The following RMST variants were observed in gnomAD, a reference collection of about 807,000 sequenced individuals.
The protein encoded by RMST is long intergenic non-protein coding RNA 54.
intron 10 of RMST, among the ~76,000 whole-genome samples, chr12:97,520,179 A>C (rs76564091): frequency 0.027 from 4,106 of 152,288 alleles, 163 homozygotes; most frequent in African/African-American, 0.093. Context: ...TAAAGCTAAC[A>C]ATTTAGTACA....
chr12:97,512,823 C>T lies in RMST; in HGVS notation n.1340+16767C>T, dbSNP rs183498476. On this transcript the variant is annotated intron_variant and non_coding_transcript_variant, in intron 10 of 13. Transcript: ENST00000640149. ...CTTGGGTGGTCGATGGGACTGGGCG[C>T]AGTGGAGCAGGGGGCGGCGTGTCGG... Among the ~76,000 whole-genome samples, 429 of 151,942 alleles carry T rather than the reference C, an allele frequency of 2.8e-3. 2 individuals are homozygous for T. Among genetic ancestry groups the T allele is most frequent in the African/African-American group, 9.8e-3 (406 of 41,470 alleles).
intron 10 of RMST, among the ~76,000 whole-genome samples, chr12:97,513,951 CA>C (rs201925869): frequency 0.011 from 1,731 of 152,260 alleles, 24 homozygotes; most frequent in Middle Eastern, 0.044. Flanking sequence ...TACTTTGTTC[CA>C]CTGTAGGACT....
chr12:97,532,023 T>C (rs1881667685), intron 11 of RMST, among the ~76,000 whole-genome samples: 1 of 152,006 alleles, frequency 6.6e-6, no homozygotes, highest in Non-Finnish European at 1.5e-5. Flanking sequence ...TATGGCATTA[T>C]GAATTTTAAA....
At chr12:97,536,757 A>G (rs894160593) in intron 11 of RMST, among the ~76,000 whole-genome samples, 1 of 151,488 alleles carries the variant, frequency 6.6e-6, no homozygotes, top group African/African-American at 2.4e-5. Context: ...TATTATACAC[A>G]AATAATCTCC....
At chr12:97,512,266 T>A (rs1343924283) in intron 10 of RMST, among the ~76,000 whole-genome samples, 1 of 152,148 alleles carries the variant, frequency 6.6e-6, no homozygotes, top group Non-Finnish European at 1.5e-5. Flanking sequence ...GCTGCAGACC[T>A]TTGTGGTGTT....
chr12:97,524,075 C>CAGAGAAAAAAAAAAAAAAA lies in RMST; in HGVS notation n.1341-6579_1341-6578insGAGAAAAAAAAAAAAAAAA, dbSNP rs57255256. Among the ~76,000 whole-genome samples the CAGAGAAAAAAAAAAAAAAA allele has an allele frequency of 7.4e-3, 416 of 56,126 alleles. 158 individuals carry two copies. Among genetic ancestry groups the CAGAGAAAAAAAAAAAAAAA allele is most frequent in the Middle Eastern group, 0.02 (2 of 100 alleles). The allele number at this position is 56,126 out of a possible 152,430, so 36.8% of individuals were successfully genotyped here. ...TGGGCAACAGAGTGAGACTCTGTCT[C>CAGAGAAAAAAAAAAAAAAA]AAAAAAAAAAAAAAAAAAAAAAAAA... On this transcript the variant is annotated intron_variant and non_coding_transcript_variant, in intron 10 of 13. Transcript: ENST00000640149.
At chr12:97,558,592 T>G (rs1883876747) in intron 11 of RMST, among the ~76,000 whole-genome samples, 1 of 151,584 alleles carries the variant, frequency 6.6e-6, no homozygotes, top group Non-Finnish European at 1.5e-5. Flanking sequence ...TACAGCTGAG[T>G]TTTTTTTTCT....
intron 5 of RMST, among the ~76,000 whole-genome samples, chr12:97,469,166 GTGTGTGTGTGTGTGTA>G (rs1234291411): frequency 6.8e-5 from 10 of 146,086 alleles, no homozygotes; most frequent in African/African-American, 2.4e-4. Flanking sequence ...GTGTGTGTGT[GTGTGTGTGTGTGTGTA>G]TGTGTGTATA....
At chr12:97,499,691 A>C (rs535898801) in intron 10 of RMST, among the ~76,000 whole-genome samples, 1 of 129,628 alleles carries the variant, frequency 7.7e-6, no homozygotes, top group Non-Finnish European at 1.5e-5. Context: ...AGTCTCACTC[A>C]CTCTGTTGCC....
chr12:97,506,675 GTTTT>G (rs780505590), intron 10 of RMST, among the ~76,000 whole-genome samples: 4 of 76,962 alleles, frequency 5.2e-5, no homozygotes, highest in African/African-American at 2.1e-4. Flanking sequence ...AGGGTAATCT[GTTTT>G]TTTTTTTTTT....
At chr12:97,501,842 G>C (rs1592500) in intron 10 of RMST, among the ~76,000 whole-genome samples, 12,716 of 152,156 alleles carry the variant, frequency 0.084, 767 homozygotes, top group Middle Eastern at 0.14. Flanking sequence ...AATAGATGAC[G>C]CAAAAGTTGC....
rs1403732156 is a variant in RMST, at chr12:97,559,713, C to T, written n.1546-824C>T. Among the ~76,000 whole-genome samples the T allele has an allele frequency of 3.9e-5, 6 of 152,268 alleles. No individual in the cohort carries two copies. In the South Asian group the frequency reaches 8.3e-4, roughly 21 times the overall value. ...TCTGCAGAAGCTCAAATTGAATATGCTTTATCACAGTGTTTCCTCTTCTGT... is the reference window on the plus strand; with the variant it reads ...TCTGCAGAAGCTCAAATTGAATATGTTTTATCACAGTGTTTCCTCTTCTGT... On this transcript the variant is annotated intron_variant and non_coding_transcript_variant, in intron 11 of 13. Transcript: ENST00000640149.
chr12:97,503,407 AG>A (rs1441747954), intron 10 of RMST, among the ~76,000 whole-genome samples: 19 of 152,174 alleles, frequency 1.2e-4, no homozygotes, highest in African/African-American at 4.3e-4. Context: ...GTGAGATTAG[AG>A]AATTTCAAAA....
chr12:97,553,835 G>A (rs1366138100), intron 11 of RMST, among the ~76,000 whole-genome samples: 8 of 146,872 alleles, frequency 5.4e-5, no homozygotes, highest in Admixed American at 3.4e-4. Flanking sequence ...ATATTTAATT[G>A]AAAAAAAAAT....
At chr12:97,500,740 G>A (rs952115911) in intron 10 of RMST, among the ~76,000 whole-genome samples, 1 of 152,198 alleles carries the variant, frequency 6.6e-6, no homozygotes. Flanking sequence ...ATAGCTCTAT[G>A]TGGAAGAGCT....
chr12:97,521,385 G>C (rs1880493314), intron 10 of RMST, among the ~76,000 whole-genome samples: 1 of 152,052 alleles, frequency 6.6e-6, no homozygotes, highest in African/African-American at 2.4e-5. Context: ...GAGGAATATT[G>C]TGATAATGAC....
At chr12:97,543,978 A>G (rs1246269005) in intron 11 of RMST, among the ~76,000 whole-genome samples, 1 of 151,998 alleles carries the variant, frequency 6.6e-6, no homozygotes, top group East Asian at 1.9e-4. Flanking sequence ...AATTATTCCC[A>G]TTTTACTCTA....
chr12:97,559,224 C>T (rs952137095), intron 11 of RMST, among the ~76,000 whole-genome samples: 2 of 152,076 alleles, frequency 1.3e-5, no homozygotes, highest in African/African-American at 4.8e-5. Flanking sequence ...TCCACTCCTA[C>T]TGTTATCGGA....
chr12:97,502,006 GACTTTA>G (rs1423578051), intron 10 of RMST, among the ~76,000 whole-genome samples: 5 of 152,168 alleles, frequency 3.3e-5, no homozygotes, highest in Non-Finnish European at 5.9e-5. Context: ...ATAATGATTG[GACTTTA>G]ACTTTAAGGA....
Sources: gnomAD v4.1 joint callset for allele counts (sites outside exome capture counted in the v4.1 genomes callset) on GRCh38, gnomAD v4.1.1 for gene constraint, MANE v1.5 for transcripts, NCBI Gene and HGNC (gene_info 2026-07-23, HGNC 2026-07-21) for gene names.